The following C4A variants were observed in gnomAD, a reference collection of about 807,000 sequenced individuals.
C4A encodes the protein complement C4A (Chido/Rodgers blood group), also known as complement C4-A.
C4A carries 12 observed loss-of-function variants against 45.7 expected under a neutral mutation model. That is an observed-to-expected ratio of 0.26 (90% CI 0.17 to 0.43). C4A has a LOEUF of 0.43. Ranked by LOEUF, C4A falls within the 20% of genes least tolerant of loss-of-function variation. C4A has a pLI of 1.00. For synonymous variants in C4A, 66 were observed against 230.7 expected (o/e 0.29, Z 6.47); for missense variants, 127 against 534.4 (o/e 0.24, Z 7.52).
chr6:31,996,042 G>T lies in C4A; in HGVS notation c.3318G>T (p.Trp1106Cys). ...SPEKLQETSN[W>C]LLSQQQADGS... ...AGAAACTGCAGGAGACATCTAACTG[G>T]CTTCTGTCCCAGCAGCAGGCTGACG... Residue 1106 changes from tryptophan to cysteine, a missense_variant, in exon 26 of 41, where the codon TGG becomes TGT. By Grantham distance (215) the Trp-to-Cys change is radical (BLOSUM62 -2). Coordinates refer to ENST00000428956, the MANE Select transcript of C4A (RefSeq NM_007293.3). 5 of 1,586,734 alleles carry T rather than the reference G, an allele frequency of 3.2e-6. 1 individual carries two copies. Among genetic ancestry groups the T allele is most frequent in the Non-Finnish European group, 4.3e-6 (5 of 1,156,370 alleles).
At chr6:31,996,365 C>T (rs369735126) in intron 27 of C4A, 42 bp downstream of exon 27, 2 of 1,581,702 alleles carry the variant, frequency 1.3e-6, no homozygotes, top group African/African-American at 2.7e-5. Flanking sequence ...GCCCCCAGCT[C>T]TCTCCCTTTT....
At position 31,996,754 on chromosome 6, in the gene C4A, G is replaced by A; in HGVS notation, c.3677-75G>A. The A allele has an allele frequency of 6.8e-6, 9 of 1,325,778 alleles. 1 individual carries two copies. Among genetic ancestry groups the A allele is most frequent in the African/African-American group, 1.7e-5 (1 of 57,496 alleles). The allele number at this position is 1,325,778 out of a possible 1,614,324, so 82.1% of individuals were successfully genotyped here. Reference sequence around the variant, plus strand: ...GGGGAGACTCAGGAGAGCCCAGCAGGGGGTGGCTAAGGGCCAGGGGACCAG... The same window carrying A: ...GGGGAGACTCAGGAGAGCCCAGCAGAGGGTGGCTAAGGGCCAGGGGACCAG... On this transcript the variant is annotated intron_variant, in intron 28 of 40. Transcript: ENST00000428956.
Position 31,995,933 on chromosome 6 carries a change from A to C in C4A, c.3231-22A>C, listed in dbSNP as rs1353369227. 3 of 1,555,228 alleles carry C rather than the reference A, an allele frequency of 1.9e-6. No individual in the cohort carries two copies. The South Asian group carries it at 3.3e-5, about 17-fold the overall frequency. On this transcript the variant is annotated intron_variant, in intron 25 of 40. Coordinates refer to ENST00000428956, the MANE Select transcript of C4A (RefSeq NM_007293.3). Reference sequence around the variant, plus strand: ...AATGAGAAGCAAGTCCTTATCCCCAACCCTCCTTTCCTGCCCTCCAGGCTC... The same window carrying C: ...AATGAGAAGCAAGTCCTTATCCCCACCCCTCCTTTCCTGCCCTCCAGGCTC...
Position 31,996,595 on chromosome 6 carries a change from C to G in C4A, c.3671C>G (p.Thr1224Ser). The change falls in exon 28 of 41, where the codon ACT becomes AGT. Residue 1224 changes from threonine to serine, a missense_variant. Physicochemically the swap from Thr to Ser is moderately conservative, Grantham distance 58. Transcript: ENST00000428956. ...AACCTCATGGCAATGGCCCAGGAGA[C>G]TGGAGGTGAGGGGTGAGGCGCTCCT... ...HNNLMAMAQE[T>S]GDNLYWGSVT... 1.9e-6 allele frequency: 3 copies of G among 1,588,984 alleles called. No homozygotes were observed. Among genetic ancestry groups the G allele is most frequent in the Non-Finnish European group, 2.6e-6 (3 of 1,158,666 alleles).
rs1264069827 is a variant in C4A at position 31,996,575 on chromosome 6, C to G, written c.3651C>G (p.Leu1217=). 1 of 1,588,992 alleles carries G rather than the reference C, an allele frequency of 6.3e-7. No homozygotes were observed. ...TGCTCGGTGTTGCCCACAACAACCT[C>G]ATGGCAATGGCCCAGGAGACTGGAG... The part of the protein sequence containing the change: ...VDLLGVAHNN[L]MAMAQETGDN... Residue 1217 remains leucine (L), a synonymous_variant, in exon 28 of 41, where the codon CTC becomes CTG. Transcript: ENST00000428956.
chr6:31,996,626 T>C, intron 28 of C4A, 26 bp downstream of exon 28: 3 of 1,588,256 alleles, frequency 1.9e-6, no homozygotes, highest in Non-Finnish European at 2.6e-6. Context: ...CTCCTGGCAG[T>C]GAGCCTGAGG....
rs752616693 is a variant in C4A at position 31,996,135 on chromosome 6, C to T, written c.3387+24C>T. 88 of 1,587,066 alleles carry T rather than the reference C, an allele frequency of 5.5e-5. 7 individuals carry two copies. Among genetic ancestry groups the T allele is most frequent in the Middle Eastern group, 5.0e-4 (3 of 6,034 alleles). On this transcript the variant is annotated intron_variant, in intron 26 of 40. Transcript: ENST00000428956. ...AGGTGCGGGCATGCTGGGGCTGGCC[C>T]GAGAAGCGCCTGTCGGAGGACTCTC... is the stretch of plus-strand genomic sequence containing the variant.
chr6:31,994,313 A>ATGTC lies in C4A; in HGVS notation c.2526_2529dup (p.Arg844CysfsTer5). 2 of 1,386,896 alleles carry ATGTC rather than the reference A, an allele frequency of 1.4e-6. No individual in the cohort carries two copies. Among genetic ancestry groups the ATGTC allele is most frequent in the Non-Finnish European group, 2.0e-6 (2 of 1,024,842 alleles). The allele number at this position is 1,386,896 out of a possible 1,614,324, so 85.9% of individuals were successfully genotyped here. On this transcript the variant is annotated frameshift_variant, in exon 20 of 41. Transcript: ENST00000428956. LOFTEE classifies it high-confidence loss of function. The stretch of plus-strand genomic sequence containing the variant: ...GTTCCACCTGCACCTCCGCCTGCCC[A>ATGTC]TGTCTGTCCGCCGCTTTGAGCAGCT...
At chr6:31,996,183 T>C in intron 26 of C4A, 24 bp from the exon 27 acceptor site, 4 of 1,581,166 alleles carry the variant, frequency 2.5e-6, no homozygotes, top group Middle Eastern at 3.4e-4. Flanking sequence ...CCCTCCTGTT[T>C]GACATCTTTT....
intron 27 of C4A, 22 bp from the exon 28 acceptor site, chr6:31,996,407 C>G (rs765873525): frequency 6.3e-7 from 1 of 1,587,092 alleles, no homozygotes; most frequent in South Asian, 1.1e-5. Flanking sequence ...AGGCCCAAGA[C>G]CCTCCTCCCG....
At chr6:31,994,769 ACT>A (rs1470632185) in intron 21 of C4A, 62 bp downstream of exon 21, 92 of 1,495,858 alleles carry the variant, frequency 6.2e-5, no homozygotes, top group Non-Finnish European at 8.2e-5. Context: ...CACCCTCAGC[ACT>A]CTCTCTGCTG....
At position 31,996,553 on chromosome 6, in the gene C4A, T is replaced by G. The variant is rs28357076; in HGVS notation, c.3629T>G (p.Leu1210Arg). The G allele has an allele frequency of 7.3e-4, 1,134 of 1,545,366 alleles. 174 individuals are homozygous for G. The highest frequency in any genetic ancestry group is 2.1e-3 in the East Asian group (91 of 43,520). Residue 1210 changes from leucine to arginine, a missense_variant, in exon 28 of 41, where the codon CTC becomes CGC. By Grantham distance (102) the Leu-to-Arg change is moderately radical. Transcript: ENST00000428956. ...LTLTKAPVDL[L>R]GVAHNNLMAM... The stretch of plus-strand genomic sequence containing the variant: ...CTGACCAAGGCGCCTGTGGACCTGC[T>G]CGGTGTTGCCCACAACAACCTCATG...
Position 31,997,010 on chromosome 6 carries a change from G to T in C4A, c.3858G>T (p.Ser1286=), listed in dbSNP as rs200485982. Residue 1286 remains serine, a synonymous_variant, in exon 29 of 41, where the codon TCG becomes TCT. Coordinates refer to ENST00000428956, the MANE Select transcript of C4A (RefSeq NM_007293.3). ...EGKAEMADQA[S]AWLTRQGSFQ... ...AAGCAGAGATGGCAGACCAGGCTTC[G>T]GCCTGGCTCACCCGTCAGGGCAGCT... 3 of 705,342 alleles carry T rather than the reference G, an allele frequency of 4.3e-6. No homozygotes were observed. The allele number at this position is 705,342 out of a possible 1,614,324, so 43.7% of individuals were successfully genotyped here.
In C4A at chr6:31,997,171, T is replaced by C; in HGVS notation, c.3937T>C (p.Ser1313Pro). 1.7e-6 allele frequency: 1 copy of C among 590,956 alleles called. No individual in the cohort carries two copies. Among genetic ancestry groups the C allele is most frequent in the South Asian group, 2.0e-5 (1 of 49,536 alleles). The allele number at this position is 590,956 out of a possible 1,614,324, so 36.6% of individuals were successfully genotyped here. The change falls in exon 30 of 41, where the codon TCT (serine) becomes CCT (proline). Residue 1313 changes from serine to proline, a missense_variant. By Grantham distance (74) the Ser-to-Pro change is moderately conservative. Coordinates refer to ENST00000428956, the MANE Select transcript of C4A (RefSeq NM_007293.3). The part of the protein sequence containing the change: ...QDTVIALDAL[S>P]AYWIASHTTE... ...CACGGTGATTGCCCTGGATGCCCTG[T>C]CTGCCTACTGGATTGCCTCCCACAC... is the stretch of plus-strand genomic sequence containing the variant.
In C4A at chr6:31,996,524, G is replaced by C. The variant is rs377490640; in HGVS notation, c.3600G>C (p.Leu1200=). 6.3e-7 allele frequency: 1 copy of C among 1,587,088 alleles called. No homozygotes were observed. The highest frequency in any genetic ancestry group is 1.4e-5 in the African/African-American group (1 of 73,292). The change falls in exon 28 of 41, where the codon CTG becomes CTC. Residue 1200 remains leucine, a synonymous_variant. Coordinates refer to ENST00000428956, the MANE Select transcript of C4A (RefSeq NM_007293.3). ...AHAAAITAYA[L]TLTKAPVDLL... ...CAGCTGCCATCACGGCCTATGCCCT[G>C]ACACTGACCAAGGCGCCTGTGGACC...
rs1774466708 is a variant in C4A at position 31,996,505 on chromosome 6, C to G, written c.3581C>G (p.Ala1194Gly). The change falls in exon 28 of 41, where the codon GCC (alanine) becomes GGC (glycine). Residue 1194 changes from alanine (A) to glycine (G), a missense_variant. Transcript: ENST00000428956. ...SAGLLGAHAA[A>G]ITAYALTLTK... ...GGGCTCCTGGGTGCCCACGCAGCTG[C>G]CATCACGGCCTATGCCCTGACACTG... 6.3e-7 allele frequency: 1 copy of G among 1,588,240 alleles called. No homozygotes were observed. The highest frequency in any genetic ancestry group is 8.6e-7 in the Non-Finnish European group (1 of 1,157,974).
chr6:31,996,614 C>T lies in C4A; in HGVS notation c.3676+14C>T, dbSNP rs2854862. 68 of 1,588,562 alleles carry T rather than the reference C, an allele frequency of 4.3e-5. 4 individuals carry two copies. In the East Asian group the frequency reaches 9.4e-4, roughly 22 times the overall value. ...AGGAGACTGGAGGTGAGGGGTGAGGCGCTCCTGGCAGTGAGCCTGAGGCCC... is the reference window on the plus strand; with the variant it reads ...AGGAGACTGGAGGTGAGGGGTGAGGTGCTCCTGGCAGTGAGCCTGAGGCCC... On this transcript the variant is annotated intron_variant, in intron 28 of 40. Coordinates refer to ENST00000428956, the MANE Select transcript of C4A (RefSeq NM_007293.3).
At chr6:31,995,918 A>T in intron 25 of C4A, 37 bp from the exon 26 acceptor site, 8 of 1,542,024 alleles carry the variant, frequency 5.2e-6, no homozygotes, top group Non-Finnish European at 7.1e-6. Context: ...AATGAGAAGC[A>T]AGTCCTTATC....
rs1416877030 is a variant in C4A at position 31,996,124 on chromosome 6, T to C, written c.3387+13T>C. The C allele has an allele frequency of 6.3e-7, 1 of 1,587,386 alleles. No homozygotes were observed. Among genetic ancestry groups the C allele is most frequent in the Non-Finnish European group, 8.6e-7 (1 of 1,156,626 alleles). ...CAGGAGCATGCAGGTGCGGGCATGC[T>C]GGGGCTGGCCCGAGAAGCGCCTGTC... On this transcript the variant is annotated intron_variant, in intron 26 of 40. Coordinates refer to ENST00000428956, the MANE Select transcript of C4A (RefSeq NM_007293.3).
Sources: gnomAD v4.1 joint callset for allele counts on GRCh38, gnomAD v4.1.1 for gene constraint, MANE v1.5 for transcripts, NCBI Gene and HGNC (gene_info 2026-07-23, HGNC 2026-07-21) for gene names.